Variants in SH3RF3 observed in about 807,000 individuals in gnomAD.
SH3RF3 encodes E3 ubiquitin-protein ligase SH3RF3.
In SH3RF3, 29 loss-of-function variants were observed where a neutral mutation model predicts 66.3. That is an observed-to-expected ratio of 0.44 (90% confidence interval 0.33 to 0.60). The LOEUF (loss-of-function observed/expected upper bound fraction) is 0.60. Ranked by LOEUF, SH3RF3 falls within the 20% of genes least tolerant of loss-of-function variation. The pLI, the probability that SH3RF3 is intolerant of heterozygous loss-of-function variation, is 0.04. For missense variants in SH3RF3, 1,194 were observed against 1,190.9 expected (o/e 1.00, Z -0.04); for synonymous variants, 583 against 532.0 (o/e 1.10, Z -1.32).
intron 1 of SH3RF3, among the ~76,000 whole-genome samples, chr2:109,171,366 A>G (rs1677779000): frequency 6.6e-6 from 1 of 152,210 alleles, no homozygotes; most frequent in African/African-American, 2.4e-5. Context: ...ATACAAAATG[A>G]TGGCTATTTG....
chr2:109,205,816 A>G (rs1678796586), intron 1 of SH3RF3, among the ~76,000 whole-genome samples: 1 of 152,174 alleles, frequency 6.6e-6, no homozygotes, highest in African/African-American at 2.4e-5. Flanking sequence ...AGGGAAGCAC[A>G]CTGTGTGTGT....
intron 1 of SH3RF3, among the ~76,000 whole-genome samples, chr2:109,213,597 C>T (rs926639298): frequency 6.6e-6 from 1 of 152,198 alleles, no homozygotes; most frequent in Non-Finnish European, 1.5e-5. Flanking sequence ...TGGACACCAG[C>T]TGTGTCCAAC....
chr2:109,276,142 G>A (rs1220879949), intron 1 of SH3RF3, among the ~76,000 whole-genome samples: 1 of 152,204 alleles, frequency 6.6e-6, no homozygotes, highest in Non-Finnish European at 1.5e-5. Flanking sequence ...CTGAACCCAC[G>A]AGGGTTCGAG....
intron 5 of SH3RF3, among the ~76,000 whole-genome samples, chr2:109,430,514 TCCTCCTCCTC>T (rs548259101): frequency 1.1e-4 from 17 of 151,334 alleles, no homozygotes; most frequent in Non-Finnish European, 1.9e-4. Flanking sequence ...TCTCCCCATC[TCCTCCTCCTC>T]CCTCCTCCTC....
At chr2:109,364,340 T>A (rs1683115383) in intron 2 of SH3RF3, among the ~76,000 whole-genome samples, 1 of 152,154 alleles carries the variant, frequency 6.6e-6, no homozygotes, top group South Asian at 2.1e-4. Context: ...TTCTGGCTCT[T>A]TATCTTTGCT....
In SH3RF3 at chr2:109,361,745, T is replaced by C. The variant is rs185323821; in HGVS notation, c.850-9841T>C. Among the ~76,000 whole-genome samples, 121 of 152,308 alleles carry C rather than the reference T, an allele frequency of 7.9e-4. No individual in the cohort carries two copies. In the East Asian group the frequency reaches 0.011, roughly 14 times the overall value. On this transcript the variant is annotated intron_variant, in intron 2 of 9. Transcript: ENST00000309415. ...CCCACCTCAGCCTCCCAAAGTGTTA[T>C]TCAGTTTCTTTAATAGATAAAGGCC...
chr2:109,287,585 C>A (rs1681057382), intron 1 of SH3RF3, among the ~76,000 whole-genome samples: 1 of 152,200 alleles, frequency 6.6e-6, no homozygotes, highest in African/African-American at 2.4e-5. Context: ...ACTGCATCAT[C>A]TGCACTATAT....
At chr2:109,427,366 A>G (rs1677054705) in intron 5 of SH3RF3, among the ~76,000 whole-genome samples, 1 of 152,248 alleles carries the variant, frequency 6.6e-6, no homozygotes, top group Non-Finnish European at 1.5e-5. Flanking sequence ...TAATTTTTAC[A>G]TATATTGGTA....
Position 109,249,517 on chromosome 2 carries a change from CT to C in SH3RF3, c.574-98152del, listed in dbSNP as rs58570316. ...TCTTTCTTTCTTTCTTTCATTCTTT[CT>C]TTTTCTTTCTTTCTTTCCTTCCTTC... is the stretch of plus-strand genomic sequence containing the variant. On this transcript the variant is annotated intron_variant, in intron 1 of 9. Transcript: ENST00000309415. Among the ~76,000 whole-genome samples, 4 of 86,996 alleles carry C rather than the reference CT, an allele frequency of 4.6e-5. 1 individual carries two copies. The highest frequency in any genetic ancestry group is 1.3e-4 in the African/African-American group (3 of 23,046). The allele number at this position is 86,996 out of a possible 152,430, so 57.1% of individuals were successfully genotyped here. A position where few individuals can be genotyped will look rare whatever the true frequency, so the allele number is the denominator to read the frequency against.
intron 2 of SH3RF3, among the ~76,000 whole-genome samples, chr2:109,355,616 C>T (rs1031425806): frequency 1.3e-5 from 2 of 152,180 alleles, no homozygotes; most frequent in Admixed American, 1.3e-4. Context: ...AGGTGTTGTC[C>T]CTGTATGCTC....
chr2:109,363,448 G>A (rs1660954961), intron 2 of SH3RF3, among the ~76,000 whole-genome samples: 1 of 152,056 alleles, frequency 6.6e-6, no homozygotes. Context: ...ACACACATAA[G>A]CATAAAATGA....
intron 9 of SH3RF3, among the ~76,000 whole-genome samples, chr2:109,495,455 T>C (rs1260771897): frequency 6.7e-6 from 1 of 150,292 alleles, no homozygotes; most frequent in East Asian, 1.9e-4. Context: ...ACCGGCCATT[T>C]CATCCTGAAT....
intron 1 of SH3RF3, among the ~76,000 whole-genome samples, chr2:109,183,625 C>A (rs997250240): frequency 6.6e-6 from 1 of 151,998 alleles, no homozygotes; most frequent in African/African-American, 2.4e-5. Context: ...AAATTAACTT[C>A]TTTTATCCTG....
At chr2:109,487,985 A>G (rs941177374) in intron 8 of SH3RF3, among the ~76,000 whole-genome samples, 5 of 152,228 alleles carry the variant, frequency 3.3e-5, no homozygotes, top group Non-Finnish European at 7.3e-5. Flanking sequence ...AGGCCCCTTC[A>G]TGGTGAAGAG....
At chr2:109,488,601 G>A (rs1171862169) in intron 8 of SH3RF3, among the ~76,000 whole-genome samples, 4 of 152,144 alleles carry the variant, frequency 2.6e-5, no homozygotes, top group African/African-American at 9.7e-5. Flanking sequence ...GACCCCTCAC[G>A]GTTTCTTCTT....
intron 8 of SH3RF3, among the ~76,000 whole-genome samples, chr2:109,473,140 A>G (rs1317926786): frequency 6.6e-6 from 1 of 152,176 alleles, no homozygotes; most frequent in Non-Finnish European, 1.5e-5. Flanking sequence ...AACAGCATTA[A>G]CTCAAGTTAA....
intron 1 of SH3RF3, among the ~76,000 whole-genome samples, chr2:109,231,522 G>A (rs574799436): frequency 6.6e-6 from 1 of 152,252 alleles, no homozygotes; most frequent in Admixed American, 6.5e-5. Context: ...TAAATATCGT[G>A]CTCTGTTCAT....
chr2:109,155,045 G>T (rs1356120396), intron 1 of SH3RF3, among the ~76,000 whole-genome samples: 1 of 152,164 alleles, frequency 6.6e-6, no homozygotes, highest in Non-Finnish European at 1.5e-5. Flanking sequence ...GTGTGTTCTG[G>T]TGTGCTCATG....
At chr2:109,446,010 G>A (rs1046515486) in intron 7 of SH3RF3, among the ~76,000 whole-genome samples, 5 of 152,128 alleles carry the variant, frequency 3.3e-5, no homozygotes, top group Non-Finnish European at 5.9e-5. Flanking sequence ...GGGACCATGG[G>A]TGGTGCTTTC....
Sources: allele counts gnomAD v4.1 joint callset (sites outside exome capture counted in the v4.1 genomes callset), GRCh38; gene constraint gnomAD v4.1.1; transcripts MANE v1.5; gene names NCBI Gene and HGNC (gene_info 2026-07-23, HGNC 2026-07-21).